The following IP6K2 variants were observed in gnomAD, a reference collection of about 807,000 sequenced individuals.
IP6K2 encodes ATP:1D-myo-inositol-hexakisphosphate phosphotransferase.
In IP6K2, 9 loss-of-function variants were observed where a neutral mutation model predicts 43.3. The ratio of observed to expected loss-of-function variants is 0.21; its 90% CI spans 0.13 to 0.36. The LOEUF is 0.36. Among genes scored for constraint, IP6K2 ranks in the 10% least tolerant of loss-of-function variants. IP6K2 has a pLI of 1.00. For synonymous variants in IP6K2, 209 were observed against 202.4 expected (o/e 1.03, Z -0.28); for missense variants, 332 against 538.4 (o/e 0.62, Z 3.79).
At chr3:48,705,175 C>A (rs2079563724) in intron 1 of IP6K2, among the ~76,000 whole-genome samples, 1 of 151,996 alleles carries the variant, frequency 6.6e-6, no homozygotes, top group Non-Finnish European at 1.5e-5. Context: ...AATCTCTTGA[C>A]CTCGTGATCC....
chr3:48,688,137 G>T lies in IP6K2; in HGVS notation c.*136C>A. 1.2e-6 allele frequency: 1 copy of T among 856,504 alleles called. No homozygotes were observed. Among genetic ancestry groups the T allele is most frequent in the Non-Finnish European group, 1.9e-6 (1 of 533,876 alleles). The allele number at this position is 856,504 out of a possible 1,614,324, so 53.1% of individuals were successfully genotyped here. ...AGCACAGCTGGGACTGGCTCAGGCTGGGGCTCACAGAGGCCACTGCACATC... is the reference window on the plus strand; with the variant it reads ...AGCACAGCTGGGACTGGCTCAGGCTTGGGCTCACAGAGGCCACTGCACATC... On this transcript the variant is annotated 3_prime_UTR_variant, in exon 6 of 6. Transcript: ENST00000328631. The surrounding 1 kb of genome is among the most constrained non-coding windows in gnomAD (Gnocchi z 5.1).
chr3:48,708,927 G>A (rs750850015), intron 1 of IP6K2, among the ~76,000 whole-genome samples: 10 of 152,202 alleles, frequency 6.6e-5, no homozygotes, highest in Non-Finnish European at 1.5e-4. Flanking sequence ...AACCAGCCAG[G>A]TGTGGTGGTA....
At position 48,695,013 on chromosome 3, in the gene IP6K2, C is replaced by T; in HGVS notation, c.202+77G>A. 3 of 1,613,158 alleles carry T rather than the reference C, an allele frequency of 1.9e-6. No homozygotes were observed. Among genetic ancestry groups the T allele is most frequent in the Non-Finnish European group, 2.5e-6 (3 of 1,179,586 alleles). On this transcript the variant is annotated intron_variant, in intron 2 of 5. Coordinates refer to ENST00000328631, the MANE Select transcript of IP6K2 (RefSeq NM_016291.4). This position sits in a 1 kb window ranked among gnomAD's most constrained non-coding sequence, Gnocchi z 4.6. ...GAGGGAGTGAGGGCTCCAGGGATGG[C>T]TGCCAGGGCCTTCCATGGCCACGAT...
intron 1 of IP6K2, among the ~76,000 whole-genome samples, chr3:48,707,771 T>C (rs1021033767): frequency 1.3e-5 from 2 of 152,178 alleles, no homozygotes; most frequent in African/African-American, 2.4e-5. Context: ...CCACAGATTT[T>C]AACTGGAGTG....
intron 1 of IP6K2, among the ~76,000 whole-genome samples, chr3:48,697,628 A>G (rs1229665764): frequency 6.6e-6 from 1 of 150,404 alleles, no homozygotes; most frequent in Non-Finnish European, 1.5e-5. Context: ...GATGTGAGCT[A>G]CTGCACTTGG....
At chr3:48,711,010 G>C (rs1487798647) in intron 1 of IP6K2, among the ~76,000 whole-genome samples, 1 of 152,156 alleles carries the variant, frequency 6.6e-6, no homozygotes, top group Non-Finnish European at 1.5e-5. Context: ...CTGGGTTCAA[G>C]TAATTCTCCC....
chr3:48,712,216 C>A (rs932060086), intron 1 of IP6K2, among the ~76,000 whole-genome samples: 1 of 150,068 alleles, frequency 6.7e-6, no homozygotes, highest in Admixed American at 6.6e-5. Flanking sequence ...TAAAAAAAAG[C>A]GAGACCCTGT....
intron 1 of IP6K2, among the ~76,000 whole-genome samples, chr3:48,702,324 G>A (rs2106919907): frequency 6.6e-6 from 1 of 152,234 alleles, no homozygotes; most frequent in South Asian, 2.1e-4. Context: ...AAATATGCCT[G>A]ATACACATGT....
Position 48,689,402 on chromosome 3 carries a change from C to T in IP6K2, c.780+136G>A, listed in dbSNP as rs2077582892. ...TCCTGACCTCAGGTGATCCACCCAC[C>T]TTGACCCCCAAAGTGCTGGGATTAC... On this transcript the variant is annotated intron_variant, in intron 5 of 5. Transcript: ENST00000328631. 9 of 879,590 alleles carry T rather than the reference C, an allele frequency of 1.0e-5. No homozygotes were observed. The South Asian group carries it at 1.3e-4, about 12-fold the overall frequency. The allele number at this position is 879,590 out of a possible 1,614,324, so 54.5% of individuals were successfully genotyped here.
At chr3:48,691,875 G>A (rs2077827262) in intron 3 of IP6K2, among the ~76,000 whole-genome samples, 1 of 151,666 alleles carries the variant, frequency 6.6e-6, no homozygotes. Context: ...TTTTGAGATG[G>A]AGTTTCGCTC....
chr3:48,698,416 T>C (rs1486358150), intron 1 of IP6K2, among the ~76,000 whole-genome samples: 2 of 152,020 alleles, frequency 1.3e-5, no homozygotes, highest in Admixed American at 6.5e-5. Flanking sequence ...GAGACCAAGG[T>C]AGGAGATCAC....
At position 48,695,809 on chromosome 3, in the gene IP6K2, G is replaced by T. The variant is rs1320506941; in HGVS notation, c.-130-388C>A. Among the ~76,000 whole-genome samples, 1 of 147,834 alleles carries T rather than the reference G, an allele frequency of 6.8e-6. No individual in the cohort carries two copies. The highest frequency in any genetic ancestry group is 1.5e-5 in the Non-Finnish European group (1 of 67,160). On this transcript the variant is annotated intron_variant, in intron 1 of 5. Coordinates refer to ENST00000328631, the MANE Select transcript of IP6K2 (RefSeq NM_016291.4). This position sits in a 1 kb window ranked among gnomAD's most constrained non-coding sequence, Gnocchi z 4.6. ...TCAAGCTTTAAGTGGATGATGCCCA[G>T]GTCTCCCATTAATTTTATATATTAT...
At chr3:48,714,496 G>GA (rs2080951193) in intron 1 of IP6K2, among the ~76,000 whole-genome samples, 4 of 152,014 alleles carry the variant, frequency 2.6e-5, no homozygotes, top group East Asian at 3.9e-4. Context: ...GGGTTCAAAC[G>GA]ATTCTCTTGC....
chr3:48,689,192 G>A (rs368636571), intron 5 of IP6K2, among the ~76,000 whole-genome samples: 140 of 152,232 alleles, frequency 9.2e-4, no homozygotes, highest in African/African-American at 3.1e-3. Context: ...TCTCGCCGTC[G>A]CCCAGGCTGG....
At chr3:48,709,104 C>T (rs1034143348) in intron 1 of IP6K2, among the ~76,000 whole-genome samples, 3 of 152,204 alleles carry the variant, frequency 2.0e-5, no homozygotes, top group Non-Finnish European at 4.4e-5. Flanking sequence ...TAGCTTCAGA[C>T]AAGATTATAT....
chr3:48,697,539 C>T (rs1420802901), intron 1 of IP6K2, among the ~76,000 whole-genome samples: 1 of 135,964 alleles, frequency 7.4e-6, no homozygotes, highest in Non-Finnish European at 1.5e-5. Context: ...CAGGGTTTCA[C>T]CATGTTGGCC....
At chr3:48,693,233 G>T in intron 2 of IP6K2, 54 bp from the exon 3 acceptor site, 2 of 1,430,186 alleles carry the variant, frequency 1.4e-6, no homozygotes, top group East Asian at 2.3e-5. Flanking sequence ...AAGAAGCGTT[G>T]TAAGTAACAT....
At chr3:48,693,975 C>CCTTACAAA in intron 2 of IP6K2, 1 of 1,377,590 alleles carries the variant, frequency 7.3e-7, no homozygotes, top group Non-Finnish European at 9.4e-7. Context: ...TCAGCAGGTG[C>CCTTACAAA]CGACGAGCGC....
chr3:48,701,289 A>G (rs1040450263), intron 1 of IP6K2, among the ~76,000 whole-genome samples: 3 of 152,126 alleles, frequency 2.0e-5, no homozygotes, highest in African/African-American at 7.2e-5. Context: ...TATGCTGGCC[A>G]GGAGTGGTGG....
Sources: gnomAD v4.1 joint callset for allele counts (sites outside exome capture counted in the v4.1 genomes callset) on GRCh38, gnomAD v4.1.1 for gene constraint, Gnocchi (gnomAD v3.1) non-coding constraint, MANE v1.5 for transcripts, NCBI Gene and HGNC (gene_info 2026-07-23, HGNC 2026-07-21) for gene names.